The following AGMO variants were observed in gnomAD, a reference collection of about 807,000 sequenced individuals.
The protein encoded by AGMO is glyceryl-ether monooxygenase.
A neutral mutation model predicts 60.2 loss-of-function variants in AGMO; 75 were observed. That is an observed-to-expected ratio of 1.25 (90% confidence interval 1.03 to 1.51). AGMO has a LOEUF of 1.51. Among genes scored for constraint, AGMO ranks in the 40% most tolerant of loss-of-function variants. AGMO has a pLI of 0.00. For missense variants in AGMO, 763 were observed against 525.5 expected (o/e 1.45, Z -4.42); for synonymous variants, 261 against 177.1 (o/e 1.47, Z -3.76).
At chr7:15,123,636 G>T in the AGMO span, among the ~76,000 whole-genome samples, 21 of 151,950 alleles carry the variant, frequency 1.4e-4, no homozygotes, top group Admixed American at 5.9e-4. Flanking sequence ...TTCAAGACCT[G>T]CTAATCTCTT....
chr7:15,477,624 C>T (rs890952216), intron 3 of AGMO, among the ~76,000 whole-genome samples: 2 of 152,218 alleles, frequency 1.3e-5, no homozygotes, highest in African/African-American at 4.8e-5. Flanking sequence ...AATGTGCAGG[C>T]AGTTCACTGA....
At chr7:15,275,238 TATTAATATTATGTCTCCTC>T (rs1783745418) in intron 12 of AGMO, among the ~76,000 whole-genome samples, 1 of 152,088 alleles carries the variant, frequency 6.6e-6, no homozygotes, top group Non-Finnish European at 1.5e-5. Context: ...ATATTTGGTA[TATTAATATTATGTCTCCTC>T]ATTCAAGATT....
intron 3 of AGMO, among the ~76,000 whole-genome samples, chr7:15,440,744 A>G (rs964706120): frequency 1.3e-5 from 2 of 152,196 alleles, no homozygotes; most frequent in African/African-American, 4.8e-5. Flanking sequence ...AACACTTGCA[A>G]CCCAGGAGAT....
At chr7:15,537,578 T>C (rs1401795764) in intron 3 of AGMO, among the ~76,000 whole-genome samples, 1 of 152,120 alleles carries the variant, frequency 6.6e-6, no homozygotes, top group Non-Finnish European at 1.5e-5. Context: ...TTCTCCTAAT[T>C]ATTCCTGGAA....
intron 3 of AGMO, among the ~76,000 whole-genome samples, chr7:15,442,566 A>G (rs1481161320): frequency 1.3e-5 from 2 of 152,088 alleles, no homozygotes; most frequent in Non-Finnish European, 2.9e-5. Context: ...TACTAACTGA[A>G]TTGATTCCCT....
chr7:15,400,785 G>T (rs1455461895), intron 5 of AGMO, among the ~76,000 whole-genome samples: 1 of 152,150 alleles, frequency 6.6e-6, no homozygotes, highest in Non-Finnish European at 1.5e-5. Flanking sequence ...GGATAATAAG[G>T]TGATTAAATT....
intron 12 of AGMO, among the ~76,000 whole-genome samples, chr7:15,220,459 C>T (rs915819211): frequency 2.0e-5 from 3 of 151,460 alleles, no homozygotes; most frequent in Non-Finnish European, 4.4e-5. Context: ...CTCAGGCAAT[C>T]CGCCCACCTC....
chr7:15,130,425 G>A, the AGMO span, among the ~76,000 whole-genome samples: 5 of 151,552 alleles, frequency 3.3e-5, no homozygotes, highest in Admixed American at 2.0e-4. Flanking sequence ...TGTTAATAGC[G>A]TATTTTCAAC....
intron 12 of AGMO, among the ~76,000 whole-genome samples, chr7:15,227,701 A>G (rs141686936): frequency 2.0e-4 from 31 of 152,086 alleles, no homozygotes; most frequent in African/African-American, 6.8e-4. Context: ...ATCATCCATG[A>G]GGTAGCATGA....
intron 10 of AGMO, among the ~76,000 whole-genome samples, chr7:15,381,607 A>G (rs903071161): frequency 2.0e-5 from 3 of 152,162 alleles, no homozygotes; most frequent in African/African-American, 7.2e-5. Flanking sequence ...GTTGTGGAAG[A>G]CAGTGTGGAA....
rs192299776 is a variant in AGMO, at chr7:15,307,632, T to C, written c.1263+57882A>G. Among the ~76,000 whole-genome samples, 336 of 152,178 alleles carry C rather than the reference T, an allele frequency of 2.2e-3. 1 individual carries two copies. Among genetic ancestry groups the C allele is most frequent in the Non-Finnish European group, 3.8e-3 (259 of 67,974 alleles). Reference sequence around the variant, plus strand: ...ACATTTCCCAAGGTGATTGCTTCTATGCATATAGTTTCAATTACTATCTTC... The same window carrying C: ...ACATTTCCCAAGGTGATTGCTTCTACGCATATAGTTTCAATTACTATCTTC... On this transcript the variant is annotated intron_variant, in intron 12 of 12. Transcript: ENST00000342526.
intron 12 of AGMO, among the ~76,000 whole-genome samples, chr7:15,292,048 A>T (rs557355786): frequency 7.4e-6 from 1 of 134,830 alleles, no homozygotes; most frequent in Non-Finnish European, 1.6e-5. Context: ...TTTAGACTAT[A>T]ATCTGCAGAC....
rs1262321215 is a variant in AGMO at position 15,545,205 on chromosome 7, T to C, written c.258-282A>G. Among the ~76,000 whole-genome samples the C allele has an allele frequency of 3.3e-5, 5 of 152,284 alleles. No individual in the cohort carries two copies. In the South Asian group the frequency reaches 6.2e-4, roughly 19 times the overall value. Reference sequence around the variant, plus strand: ...AGGCCATTTTTTATGTCTCTTAAAATATTTTTCATGGAACCCATACAACAT... The same window carrying C: ...AGGCCATTTTTTATGTCTCTTAAAACATTTTTCATGGAACCCATACAACAT... On this transcript the variant is annotated intron_variant, in intron 2 of 12. Coordinates refer to ENST00000342526, the MANE Select transcript of AGMO (RefSeq NM_001004320.2).
chr7:15,188,253 AT>A, the AGMO span, among the ~76,000 whole-genome samples: 1 of 152,140 alleles, frequency 6.6e-6, no homozygotes, highest in Admixed American at 6.6e-5. Flanking sequence ...TAGTTGTATG[AT>A]TTTGAGTAAA....
chr7:15,440,727 C>G (rs1389024592), intron 3 of AGMO, among the ~76,000 whole-genome samples: 1 of 152,124 alleles, frequency 6.6e-6, no homozygotes, highest in Non-Finnish European at 1.5e-5. Flanking sequence ...ATGTTGCCAA[C>G]CTCTGTAACA....
intron 12 of AGMO, among the ~76,000 whole-genome samples, chr7:15,248,676 G>C (rs951261754): frequency 2.0e-5 from 3 of 152,110 alleles, no homozygotes; most frequent in Non-Finnish European, 4.4e-5. Context: ...GACACATATT[G>C]TCCCATGGCT....
At chr7:15,410,520 T>C (rs1355419385) in intron 5 of AGMO, among the ~76,000 whole-genome samples, 3 of 152,032 alleles carry the variant, frequency 2.0e-5, no homozygotes, top group Non-Finnish European at 2.9e-5. Flanking sequence ...TGATTGCATT[T>C]ATTCATATTA....
intron 3 of AGMO, among the ~76,000 whole-genome samples, chr7:15,526,205 G>A (rs1562552674): frequency 6.6e-6 from 1 of 152,260 alleles, no homozygotes; most frequent in Admixed American, 6.5e-5. Flanking sequence ...GTTGCTGGCC[G>A]AAGGTCTCTA....
rs550560146 is a variant in AGMO, at chr7:15,359,105, T to A, written c.1263+6409A>T. 7.9e-5 allele frequency among the ~76,000 whole-genome samples: 12 copies of A among 152,090 alleles called. No individual in the cohort carries two copies. The South Asian group carries it at 2.3e-3, about 29-fold the overall frequency. On this transcript the variant is annotated intron_variant, in intron 12 of 12. Transcript: ENST00000342526. ...GAGATTGAGACCATCCTGGCTAACA[T>A]GGTGAAACCCCGTCTCCACTAAAAA... is the stretch of plus-strand genomic sequence containing the variant.
Sources: gnomAD v4.1 joint callset for allele counts (sites outside exome capture counted in the v4.1 genomes callset) on GRCh38, gnomAD v4.1.1 for gene constraint, MANE v1.5 for transcripts, NCBI Gene and HGNC (gene_info 2026-07-23, HGNC 2026-07-21) for gene names.